RNF121: variants seen among roughly 807,000 people sequenced by gnomAD.
RNF121 encodes the protein E3 ubiquitin ligase RNF121.
In RNF121, 21 loss-of-function variants were observed where a neutral mutation model predicts 46.5. That is an observed-to-expected ratio of 0.45 (90% CI 0.32 to 0.65). RNF121 has a LOEUF of 0.65. Ranked by LOEUF, RNF121 falls within the 30% of genes least tolerant of loss-of-function variation. The pLI, the probability that RNF121 is intolerant of heterozygous loss-of-function variation, is 0.04. For missense variants in RNF121, 346 were observed against 416.0 expected, an observed-to-expected ratio of 0.83 and a Z score of 1.46; for synonymous variants, 139 against 144.7, an observed-to-expected ratio of 0.96 and a Z score of 0.28.
chr11:71,969,148 A>G (rs947925457), intron 3 of RNF121, among the ~76,000 whole-genome samples: 4 of 151,876 alleles, frequency 2.6e-5, no homozygotes, highest in Admixed American at 6.6e-5. Context: ...CGGCCTCCCA[A>G]AGTGCTGGGA....
intron 1 of RNF121, among the ~76,000 whole-genome samples, chr11:71,933,162 A>G (rs1345985440): frequency 1.3e-5 from 2 of 152,172 alleles, no homozygotes; most frequent in Admixed American, 6.5e-5. Flanking sequence ...AATTAGATGC[A>G]CCCTTTTGGC....
intron 1 of RNF121, among the ~76,000 whole-genome samples, chr11:71,936,422 C>T (rs1240137820): frequency 6.6e-6 from 1 of 151,282 alleles, no homozygotes; most frequent in Admixed American, 6.6e-5. Context: ...CAGAGTCTCG[C>T]TCTGTCACCC....
intron 3 of RNF121, among the ~76,000 whole-genome samples, chr11:71,964,359 A>G (rs543418824): frequency 6.6e-6 from 1 of 152,332 alleles, no homozygotes; most frequent in South Asian, 2.1e-4. Flanking sequence ...TTAGTCTTCC[A>G]ACTTTGCTGA....
chr11:71,986,610 A>T (rs766678152), intron 4 of RNF121, among the ~76,000 whole-genome samples: 12 of 151,974 alleles, frequency 7.9e-5, no homozygotes, highest in South Asian at 2.1e-4. Context: ...TACTAAAAAA[A>T]ATATAAAAAT....
At chr11:71,974,992 G>C (rs1954499969) in intron 3 of RNF121, among the ~76,000 whole-genome samples, 1 of 152,178 alleles carries the variant, frequency 6.6e-6, no homozygotes, top group African/African-American at 2.4e-5. Context: ...GTTTATGCCT[G>C]GAAAAGTATC....
At chr11:71,985,991 T>C (rs1220972978) in intron 4 of RNF121, among the ~76,000 whole-genome samples, 1 of 152,058 alleles carries the variant, frequency 6.6e-6, no homozygotes, top group Non-Finnish European at 1.5e-5. Flanking sequence ...TTGCTGAGTC[T>C]AGTAGCTGGG....
intron 4 of RNF121, among the ~76,000 whole-genome samples, chr11:71,985,556 G>A (rs1954756416): frequency 1.3e-5 from 2 of 152,240 alleles, no homozygotes; most frequent in South Asian, 4.1e-4. Context: ...AGATATTTGG[G>A]ACCTTTCCCT....
At chr11:71,977,078 T>A (rs181234552) in intron 3 of RNF121, among the ~76,000 whole-genome samples, 1 of 152,324 alleles carries the variant, frequency 6.6e-6, no homozygotes, top group East Asian at 1.9e-4. Context: ...TCCAGTTGAC[T>A]GCAGTCTATT....
At chr11:71,932,996 C>G (rs989426496) in intron 1 of RNF121, among the ~76,000 whole-genome samples, 2 of 152,180 alleles carry the variant, frequency 1.3e-5, no homozygotes, top group Non-Finnish European at 2.9e-5. Context: ...TGATGACTGC[C>G]TAAGCTCAGT....
rs188341542 is a variant in RNF121, at chr11:71,996,350, C to A, written c.*35C>A. On this transcript the variant is annotated 3_prime_UTR_variant, in exon 9 of 9. Coordinates refer to ENST00000361756, the MANE Select transcript of RNF121 (RefSeq NM_018320.5). ...GCATCAGTGGAAAACCCACCCCACA[C>A]GCCATGGACCTCAGGGCACTCTCCT... The A allele has an allele frequency of 1.9e-4, 309 of 1,609,866 alleles. No individual in the cohort carries two copies. The highest frequency in any genetic ancestry group is 2.5e-4 in the Non-Finnish European group (294 of 1,177,628).
At chr11:71,994,634 GA>G in intron 6 of RNF121, 84 bp from the exon 7 acceptor site, 1 of 1,534,892 alleles carries the variant, frequency 6.5e-7, no homozygotes, top group East Asian at 2.3e-5. Flanking sequence ...CTCTTCTCTA[GA>G]AGGCCTGAGG....
chr11:71,990,767 C>G (rs1335301640), intron 6 of RNF121, 50 bp downstream of exon 6: 1 of 1,603,878 alleles, frequency 6.2e-7, no homozygotes, highest in African/African-American at 1.3e-5. Context: ...CTCCAAATTG[C>G]TCAAGTTGAT....
Position 71,967,351 on chromosome 11 carries a change from T to TG in RNF121, c.243+6460_243+6461insG, listed in dbSNP as rs1263070411. The stretch of plus-strand genomic sequence containing the variant: ...TAATAATTATGTGGGTTTTTTTTGT[T>TG]TTTTTTTTTTTTTTTTGAGACGGAG... On this transcript the variant is annotated intron_variant, in intron 3 of 8. Coordinates refer to ENST00000361756, the MANE Select transcript of RNF121 (RefSeq NM_018320.5). Among the ~76,000 whole-genome samples, 39 of 133,838 alleles carry TG rather than the reference T, an allele frequency of 2.9e-4. 1 individual carries two copies. Among genetic ancestry groups the TG allele is most frequent in the African/African-American group, 8.4e-4 (31 of 36,872 alleles). The allele number at this position is 133,838 out of a possible 152,430, so 87.8% of individuals were successfully genotyped here. A position where few individuals can be genotyped will look rare whatever the true frequency, so the allele number is the denominator to read the frequency against.
chr11:71,984,027 C>G (rs1222185432), intron 4 of RNF121, among the ~76,000 whole-genome samples: 1 of 152,200 alleles, frequency 6.6e-6, no homozygotes, highest in Non-Finnish European at 1.5e-5. Flanking sequence ...GGATGTGGAG[C>G]CAGATGAATG....
intron 3 of RNF121, among the ~76,000 whole-genome samples, chr11:71,978,768 A>G (rs1954587729): frequency 6.6e-6 from 1 of 152,220 alleles, no homozygotes; most frequent in Admixed American, 6.5e-5. Flanking sequence ...CATTTAACCC[A>G]TACAACCTTC....
intron 1 of RNF121, among the ~76,000 whole-genome samples, chr11:71,949,464 CA>C (rs1306700213): frequency 6.6e-6 from 1 of 152,082 alleles, no homozygotes; most frequent in Non-Finnish European, 1.5e-5. Flanking sequence ...CCCGTAATCC[CA>C]ACACTTTGGG....
At chr11:71,970,746 A>C (rs1227197290) in intron 3 of RNF121, among the ~76,000 whole-genome samples, 1 of 152,180 alleles carries the variant, frequency 6.6e-6, no homozygotes, top group African/African-American at 2.4e-5. Context: ...TTAACCAAAG[A>C]ATTTGAATAA....
Position 71,958,659 on chromosome 11 carries a change from G to A in RNF121, c.101+1395G>A, listed in dbSNP as rs576415035. The stretch of plus-strand genomic sequence containing the variant: ...GAGGATCCCTTGAGCCCAGCAGTTC[G>A]AGGCTGCAGTTCATCTAGCCTGGAT... On this transcript the variant is annotated intron_variant, in intron 2 of 8. Coordinates refer to ENST00000361756, the MANE Select transcript of RNF121 (RefSeq NM_018320.5). Among the ~76,000 whole-genome samples the A allele has an allele frequency of 3.3e-5, 5 of 152,186 alleles. No individual in the cohort carries two copies. In the South Asian group the frequency reaches 6.2e-4, roughly 19 times the overall value.
chr11:71,960,792 A>C lies in RNF121; in HGVS notation c.144A>C (p.Glu48Asp). The C allele has an allele frequency of 6.2e-7, 1 of 1,614,126 alleles. No individual in the cohort carries two copies. The highest frequency in any genetic ancestry group is 8.5e-7 in the Non-Finnish European group (1 of 1,180,022). Residue 48 changes from glutamate (E) to aspartate (D), a missense_variant, in exon 3 of 9, where the codon GAA becomes GAC. Physicochemically the swap from Glu to Asp is conservative, Grantham distance 45. This residue lies in a region of RNF121 where 286 missense variants were observed against 383.8 expected (regional missense o/e 0.75). Transcript: ENST00000361756. ...ARMHAKHRGH[E>D]AMHAEMVLIL... is the part of the protein sequence containing the mutation. ...TGCATGCCAAGCACCGTGGCCATGA[A>C]GCTATGCATGCTGAAATGGTCCTCA...
Sources: gnomAD v4.1 joint callset for allele counts (sites outside exome capture counted in the v4.1 genomes callset) on GRCh38, gnomAD v4.1.1 for gene constraint, gnomAD v4.1.1 regional missense constraint, MANE v1.5 for transcripts, NCBI Gene and HGNC (gene_info 2026-07-23, HGNC 2026-07-21) for gene names.